Variants in IL4R observed in about 807,000 individuals in gnomAD.
The protein encoded by IL4R is interleukin-4 receptor subunit alpha.
IL4R carries 17 observed loss-of-function variants against 41.5 expected under a neutral mutation model. The ratio of observed to expected loss-of-function variants is 0.41; its 90% CI spans 0.28 to 0.61. The LOEUF (loss-of-function observed/expected upper bound fraction) is 0.61. Ranked by LOEUF, IL4R falls within the 20% of genes least tolerant of loss-of-function variation. The pLI, the probability that IL4R is intolerant of heterozygous loss-of-function variation, is 0.31. For missense variants in IL4R, 974 were observed against 1,043.1 expected (o/e 0.93, Z 0.91); for synonymous variants, 402 against 422.9 (o/e 0.95, Z 0.61).
Position 27,345,310 on chromosome 16 carries a change from C to T in IL4R, c.361+290C>T. On this transcript the variant is annotated intron_variant, in intron 5 of 10. Coordinates refer to ENST00000395762, the MANE Select transcript of IL4R (RefSeq NM_000418.4). The surrounding 1 kb of genome is among the most constrained non-coding windows in gnomAD (Gnocchi z 4.5). ...GAGATGAGGTGTGCTTGCTGGAAGG[C>T]ATGCCTGCTGCTGATTGAAAACCGA... is the stretch of plus-strand genomic sequence containing the variant. 2 of 529,068 alleles carry T rather than the reference C, an allele frequency of 3.8e-6. No homozygotes were observed. Among genetic ancestry groups the T allele is most frequent in the Non-Finnish European group, 7.2e-6 (2 of 277,952 alleles). 32.8% of individuals were successfully genotyped at this position (529,068 alleles called of 1,614,324 possible).
intron 2 of IL4R, 90 bp from the exon 3 acceptor site, chr16:27,340,096 T>A (rs2085392309): frequency 1.3e-6 from 1 of 774,324 alleles, no homozygotes; most frequent in Admixed American, 2.5e-5. Flanking sequence ...AACAAATAAA[T>A]GGCCAGGGCA....
chr16:27,338,755 C>T (rs1018890388), intron 2 of IL4R, among the ~76,000 whole-genome samples: 7 of 152,058 alleles, frequency 4.6e-5, no homozygotes, highest in South Asian at 2.1e-4. Context: ...AGCATGGCAT[C>T]GTCCGTGAGG....
intron 1 of IL4R, among the ~76,000 whole-genome samples, chr16:27,322,650 C>T (rs2084847460): frequency 6.6e-6 from 1 of 152,112 alleles, no homozygotes; most frequent in Non-Finnish European, 1.5e-5. Flanking sequence ...TTCAAGGCCG[C>T]AGTGAGCTAT....
intron 1 of IL4R, among the ~76,000 whole-genome samples, chr16:27,323,130 CA>C (rs2084861362): frequency 6.6e-6 from 1 of 152,182 alleles, no homozygotes; most frequent in African/African-American, 2.4e-5. Flanking sequence ...AGTCTGCAAG[CA>C]GAAAATGAAC....
chr16:27,319,163 G>C (rs1463014678), intron 1 of IL4R, among the ~76,000 whole-genome samples: 1 of 152,212 alleles, frequency 6.6e-6, no homozygotes, highest in Non-Finnish European at 1.5e-5. Context: ...AGCTTGGTGT[G>C]TTTGACCCAC....
intron 2 of IL4R, among the ~76,000 whole-genome samples, chr16:27,339,785 G>T (rs141268064): frequency 6.6e-6 from 1 of 151,680 alleles, no homozygotes; most frequent in South Asian, 2.1e-4. Context: ...CTGGGCAGCC[G>T]CAGTGGCTCA....
In IL4R at chr16:27,344,991, G is replaced by A. The variant is rs1161481110; in HGVS notation, c.332G>A (p.Trp111Ter). 1.2e-6 allele frequency: 2 copies of A among 1,613,748 alleles called. No homozygotes were observed. The highest frequency in any genetic ancestry group is 1.7e-6 in the Non-Finnish European group (2 of 1,179,942). Residue 111 changes from tryptophan (W) to a stop codon, truncating the protein, a stop_gained, in exon 5 of 11, where the codon TGG becomes TAG. Coordinates refer to ENST00000395762, the MANE Select transcript of IL4R (RefSeq NM_000418.4). LOFTEE classifies it high-confidence loss of function. The stretch of plus-strand genomic sequence containing the variant: ...CTGTGGGCTGGGCAGCAGCTGCTGT[G>A]GAAGGGCTCCTTCAAGCCCAGCGAG... ...LDLWAGQQLLWKGSFKPSEHV... is the reference protein window; with the variant it reads ...LDLWAGQQLL
chr16:27,324,277 T>TG (rs11390919), intron 1 of IL4R, among the ~76,000 whole-genome samples: 68,293 of 152,034 alleles, frequency 0.45, 15,731 homozygotes, highest in Middle Eastern at 0.49. Flanking sequence ...GGCCCCGAGG[T>TG]GGCTGAGATC....
chr16:27,354,478 T>C (rs144866439), intron 7 of IL4R, among the ~76,000 whole-genome samples: 17 of 152,342 alleles, frequency 1.1e-4, no homozygotes, highest in Admixed American at 1.1e-3. Flanking sequence ...AAATTCCCCT[T>C]ACATCTCATT....
intron 3 of IL4R, among the ~76,000 whole-genome samples, chr16:27,341,566 G>A (rs1006411336): frequency 7.2e-5 from 11 of 152,092 alleles, no homozygotes; most frequent in African/African-American, 2.7e-4. Context: ...CTAGGAGGGC[G>A]CTGAAAGGAG....
intron 1 of IL4R, among the ~76,000 whole-genome samples, chr16:27,326,238 T>G (rs1382875222): frequency 6.6e-6 from 1 of 152,138 alleles, no homozygotes; most frequent in African/African-American, 2.4e-5. Context: ...AACTTCTTCC[T>G]TGCTCAAATA....
chr16:27,339,294 G>A (rs2085361450), intron 2 of IL4R, among the ~76,000 whole-genome samples: 1 of 152,082 alleles, frequency 6.6e-6, no homozygotes, highest in Non-Finnish European at 1.5e-5. Flanking sequence ...GCACACCATT[G>A]CACCCAATAG....
intron 1 of IL4R, among the ~76,000 whole-genome samples, chr16:27,319,815 C>T (rs1206871937): frequency 1.3e-5 from 2 of 152,156 alleles, no homozygotes; most frequent in African/African-American, 4.8e-5. Flanking sequence ...AGATGATTCT[C>T]ACAGGAGCAC....
chr16:27,330,901 G>A (rs1299996718), intron 2 of IL4R, among the ~76,000 whole-genome samples: 1 of 152,026 alleles, frequency 6.6e-6, no homozygotes, highest in Non-Finnish European at 1.5e-5. Flanking sequence ...GGGGATCTGT[G>A]GCCCCTGTGA....
Position 27,362,510 on chromosome 16 carries a change from A to G in IL4R, c.1158A>G (p.Ala386=), listed in dbSNP as rs761456239. Residue 386 remains alanine, a synonymous_variant, in exon 11 of 11, where the codon GCA becomes GCG. Transcript: ENST00000395762. ...AGGAAGAAAAAGGGAGCTTCTGTGC[A>G]TCGCCTGAGAGCAGCAGGGATGACT... ...EVEEEKGSFC[A]SPESSRDDFQ... 3.7e-5 allele frequency: 59 copies of G among 1,614,052 alleles called. No homozygotes were observed. Among genetic ancestry groups the G allele is most frequent in the Non-Finnish European group, 4.8e-5 (57 of 1,180,046 alleles).
intron 1 of IL4R, among the ~76,000 whole-genome samples, chr16:27,321,895 G>T (rs762612891): frequency 6.6e-6 from 1 of 151,966 alleles, no homozygotes; most frequent in Non-Finnish European, 1.5e-5. Context: ...TCTAAATTTG[G>T]TCATCATGGT....
chr16:27,326,220 G>A (rs1371197572), intron 1 of IL4R, among the ~76,000 whole-genome samples: 2 of 152,090 alleles, frequency 1.3e-5, no homozygotes, highest in African/African-American at 2.4e-5. Flanking sequence ...TGCTCAAAAC[G>A]CTCTGGCAAC....
At chr16:27,336,245 G>A (rs2085255851) in intron 2 of IL4R, among the ~76,000 whole-genome samples, 1 of 152,146 alleles carries the variant, frequency 6.6e-6, no homozygotes, top group South Asian at 2.1e-4. Flanking sequence ...GTTATAAAGT[G>A]TTGAATAGCT....
At chr16:27,344,425 G>T (rs1190843805) in intron 4 of IL4R, among the ~76,000 whole-genome samples, 1 of 151,480 alleles carries the variant, frequency 6.6e-6, no homozygotes, top group African/African-American at 2.4e-5. Flanking sequence ...TAACTATCTG[G>T]CCTGTTACAG....
Sources: gnomAD v4.1 joint callset for allele counts (sites outside exome capture counted in the v4.1 genomes callset) on GRCh38, gnomAD v4.1.1 for gene constraint, Gnocchi (gnomAD v3.1) non-coding constraint, MANE v1.5 for transcripts, NCBI Gene and HGNC (gene_info 2026-07-23, HGNC 2026-07-21) for gene names.